CUEDC1: variants seen among roughly 807,000 people sequenced by gnomAD.
CUEDC1 encodes the protein CUE domain-containing protein 1.
In CUEDC1, 30 loss-of-function variants were observed where a neutral mutation model predicts 43.7. The ratio of observed to expected loss-of-function variants is 0.69; its 90% CI spans 0.51 to 0.93. CUEDC1 has a LOEUF of 0.93. CUEDC1 is among the 40% of genes least tolerant of loss of function. The pLI, the probability that CUEDC1 is intolerant of heterozygous loss-of-function variation, is 0.00. For synonymous variants in CUEDC1, 223 were observed against 223.6 expected (o/e 1.00, Z 0.02); for missense variants, 486 against 549.0 (o/e 0.89, Z 1.15).
At chr17:57,933,374 CT>C (rs1396842521) in intron 1 of CUEDC1, among the ~76,000 whole-genome samples, 1 of 152,186 alleles carries the variant, frequency 6.6e-6, no homozygotes, top group Non-Finnish European at 1.5e-5. Flanking sequence ...ACCATATCTT[CT>C]TTTTCCCTGT....
intron 1 of CUEDC1, among the ~76,000 whole-genome samples, chr17:57,942,240 G>C (rs2074923097): frequency 6.6e-6 from 1 of 152,160 alleles, no homozygotes; most frequent in African/African-American, 2.4e-5. Context: ...TCCTGAAAGA[G>C]AACAGGACTT....
chr17:57,914,436 A>G (rs1431051136), intron 1 of CUEDC1, among the ~76,000 whole-genome samples: 1 of 152,120 alleles, frequency 6.6e-6, no homozygotes, highest in Non-Finnish European at 1.5e-5. Flanking sequence ...GTGACTCCAT[A>G]ACTTCACCCT....
chr17:57,922,166 G>C (rs2074704448), intron 1 of CUEDC1, among the ~76,000 whole-genome samples: 1 of 152,130 alleles, frequency 6.6e-6, no homozygotes, highest in Admixed American at 6.6e-5. Flanking sequence ...GTTACCCCTG[G>C]CTCATCTGGA....
At chr17:57,910,230 C>T (rs1428767557) in intron 1 of CUEDC1, among the ~76,000 whole-genome samples, 1 of 152,192 alleles carries the variant, frequency 6.6e-6, no homozygotes, top group African/African-American at 2.4e-5. Flanking sequence ...TCTCCACAGA[C>T]TGGAGTTCAT....
intron 5 of CUEDC1, 112 bp from the exon 6 acceptor site, chr17:57,871,481 G>A (rs1699262601): frequency 1.2e-6 from 1 of 804,486 alleles, no homozygotes; most frequent in East Asian, 2.5e-5. Flanking sequence ...AATCACACAT[G>A]AGCACACACG....
chr17:57,876,307 C>T (rs956843640), intron 3 of CUEDC1, among the ~76,000 whole-genome samples: 2 of 152,158 alleles, frequency 1.3e-5, no homozygotes, highest in Non-Finnish European at 2.9e-5. Flanking sequence ...CAGATGAGCC[C>T]TCTTTCCTGC....
intron 1 of CUEDC1, among the ~76,000 whole-genome samples, chr17:57,911,009 A>G (rs2074577340): frequency 6.6e-6 from 1 of 152,062 alleles, no homozygotes; most frequent in Non-Finnish European, 1.5e-5. Context: ...CTATGCCACC[A>G]ACGGAAGAGC....
intron 7 of CUEDC1, 131 bp from the exon 8 acceptor site, chr17:57,868,374 G>A (rs1445384203): frequency 5.6e-5 from 42 of 750,002 alleles, no homozygotes; most frequent in Non-Finnish European, 9.5e-5. Context: ...GCAAGGGTGG[G>A]AGCTGAGGAG....
In CUEDC1 at chr17:57,872,545, G is replaced by A. The variant is rs749906342; in HGVS notation, c.784+118C>T. The stretch of plus-strand genomic sequence containing the variant: ...ACTTGGTGGGAGTCATGCCTCAATA[G>A]GACAGAAAGCACCTGGCCCCCTCAG... On this transcript the variant is annotated intron_variant, in intron 5 of 10. Coordinates refer to ENST00000577830, the MANE Select transcript of CUEDC1 (RefSeq NM_001271875.2). 6.1e-5 allele frequency: 70 copies of A among 1,146,566 alleles called. 1 individual carries two copies. Among genetic ancestry groups the A allele is most frequent in the Admixed American group, 1.0e-4 (4 of 39,618 alleles). The allele number at this position is 1,146,566 out of a possible 1,614,324, so 71.0% of individuals were successfully genotyped here.
intron 1 of CUEDC1, among the ~76,000 whole-genome samples, chr17:57,952,787 T>C (rs372743018): frequency 2.6e-5 from 4 of 152,190 alleles, no homozygotes; most frequent in South Asian, 2.1e-4. Context: ...AAAAATCCCC[T>C]ACAGCTCTCT....
intron 1 of CUEDC1, among the ~76,000 whole-genome samples, chr17:57,949,657 C>T (rs1373147386): frequency 6.7e-6 from 1 of 149,034 alleles, no homozygotes; most frequent in African/African-American, 2.5e-5. Flanking sequence ...ACTGCAACCT[C>T]GGCCTCCCAG....
At chr17:57,941,008 C>T (rs769206146) in intron 1 of CUEDC1, among the ~76,000 whole-genome samples, 1 of 152,212 alleles carries the variant, frequency 6.6e-6, no homozygotes, top group Non-Finnish European at 1.5e-5. Flanking sequence ...TCACACCAGG[C>T]TTTCACACCC....
intron 1 of CUEDC1, among the ~76,000 whole-genome samples, chr17:57,904,699 C>T (rs2074509565): frequency 6.6e-6 from 1 of 152,044 alleles, no homozygotes; most frequent in Non-Finnish European, 1.5e-5. Flanking sequence ...GAAATGGGAC[C>T]CCTGTCCTTT....
chr17:57,884,005 C>T (rs937770050), intron 2 of CUEDC1, among the ~76,000 whole-genome samples: 1 of 152,064 alleles, frequency 6.6e-6, no homozygotes, highest in Admixed American at 6.5e-5. Context: ...TCACAACCTC[C>T]AGCAGGTGGG....
At chr17:57,879,025 A>C (rs2074167546) in intron 3 of CUEDC1, among the ~76,000 whole-genome samples, 2 of 152,200 alleles carry the variant, frequency 1.3e-5, no homozygotes, top group Non-Finnish European at 2.9e-5. Context: ...GTTTCCAGGG[A>C]CCTTGCAGTC....
At chr17:57,943,276 A>C (rs973891464) in intron 1 of CUEDC1, among the ~76,000 whole-genome samples, 6 of 152,152 alleles carry the variant, frequency 3.9e-5, no homozygotes, top group Non-Finnish European at 1.5e-5. Context: ...CCGCCCTAGG[A>C]GACTGACATG....
chr17:57,936,020 A>G (rs1229360796), intron 1 of CUEDC1, among the ~76,000 whole-genome samples: 1 of 152,190 alleles, frequency 6.6e-6, no homozygotes, highest in Non-Finnish European at 1.5e-5. Flanking sequence ...GCTAATGAGA[A>G]TGACTTATTT....
intron 1 of CUEDC1, among the ~76,000 whole-genome samples, chr17:57,941,353 T>C (rs1405307567): frequency 2.6e-5 from 4 of 152,354 alleles, no homozygotes; most frequent in South Asian, 2.1e-4. Flanking sequence ...CCTTTCTTTA[T>C]GCCAAAAGCT....
At chr17:57,909,935 C>T (rs939173001) in intron 1 of CUEDC1, among the ~76,000 whole-genome samples, 5 of 152,164 alleles carry the variant, frequency 3.3e-5, no homozygotes, top group Admixed American at 6.5e-5. Context: ...AGGAAATAAC[C>T]GAAAGAGGTT....
Sources: allele counts gnomAD v4.1 joint callset (sites outside exome capture counted in the v4.1 genomes callset), GRCh38; gene constraint gnomAD v4.1.1; transcripts MANE v1.5; gene names NCBI Gene and HGNC (gene_info 2026-07-23, HGNC 2026-07-21).